FSTL4: variants seen among roughly 807,000 people sequenced by gnomAD.
The protein encoded by FSTL4 is follistatin-related protein 4.
In FSTL4, 28 loss-of-function variants were observed where a neutral mutation model predicts 78.2. That is an observed-to-expected ratio of 0.36 (90% CI 0.27 to 0.49). The LOEUF is 0.49. FSTL4 is among the 20% of genes least tolerant of loss of function. The pLI is 0.98. For synonymous variants in FSTL4, 422 were observed against 440.5 expected, an observed-to-expected ratio of 0.96 and a Z score of 0.53; for missense variants, 922 against 1,084.9, an observed-to-expected ratio of 0.85 and a Z score of 2.11.
the FSTL4 span, among the ~76,000 whole-genome samples, chr5:133,825,775 A>G: frequency 6.6e-6 from 1 of 152,214 alleles, no homozygotes; most frequent in Non-Finnish European, 1.5e-5. Flanking sequence ...CCTGTCTGAC[A>G]GCCCATTAGC....
At position 133,316,530 on chromosome 5, in the gene FSTL4, G is replaced by C; in HGVS notation, c.532C>G (p.Leu178Val). ...RQDPASQKRL[L>V]VESLFRDLDA... ...AAGTCCCTGAACAGAGATTCCACCA[G>C]GAGGCGCTTCTGGGAGGCAGGGTCT... The change falls in exon 5 of 16, where the codon CTG becomes GTG. Residue 178 changes from leucine (L) to valine (V), a missense_variant. Leu to Val is a conservative substitution (Grantham distance 32). Coordinates refer to ENST00000265342, the MANE Select transcript of FSTL4 (RefSeq NM_015082.2). 1 of 1,614,192 alleles carries C rather than the reference G, an allele frequency of 6.2e-7. No individual in the cohort carries two copies. The highest frequency in any genetic ancestry group is 8.5e-7 in the Non-Finnish European group (1 of 1,180,026).
the FSTL4 span, among the ~76,000 whole-genome samples, chr5:133,754,106 C>G: frequency 2.6e-5 from 4 of 152,180 alleles, no homozygotes; most frequent in Admixed American, 2.6e-4. Flanking sequence ...TTATACACAG[C>G]ATACAAAGTA....
intron 6 of FSTL4, among the ~76,000 whole-genome samples, chr5:133,301,885 T>G (rs1206096565): frequency 1.3e-5 from 2 of 152,070 alleles, no homozygotes; most frequent in Non-Finnish European, 2.9e-5. Flanking sequence ...ACCCCCAAGC[T>G]AAATAGTGAC....
Position 133,371,774 on chromosome 5 carries a change from T to C in FSTL4, c.409+28964A>G, listed in dbSNP as rs555794347. On this transcript the variant is annotated intron_variant, in intron 4 of 15. Transcript: ENST00000265342. ...TCATTAAAGAAACTGATTTGGGGCT[T>C]GAAAAACACTGAGGTATGAACACTG... Among the ~76,000 whole-genome samples, 5 of 152,304 alleles carry C rather than the reference T, an allele frequency of 3.3e-5. No individual in the cohort carries two copies. In the East Asian group the frequency reaches 5.8e-4, roughly 18 times the overall value.
At chr5:133,515,553 A>C (rs1421698504) in intron 3 of FSTL4, among the ~76,000 whole-genome samples, 1 of 152,236 alleles carries the variant, frequency 6.6e-6, no homozygotes, top group East Asian at 1.9e-4. Context: ...GCATAAATTC[A>C]GAAAACAAAA....
At chr5:133,524,288 G>T (rs1759045383) in intron 3 of FSTL4, among the ~76,000 whole-genome samples, 1 of 152,180 alleles carries the variant, frequency 6.6e-6, no homozygotes, top group South Asian at 2.1e-4. Flanking sequence ...TTTATCCTAA[G>T]CCTAATGGGA....
intron 6 of FSTL4, among the ~76,000 whole-genome samples, chr5:133,278,912 A>G (rs1752948912): frequency 6.6e-6 from 1 of 152,234 alleles, no homozygotes; most frequent in African/African-American, 2.4e-5. Context: ...CCTCAGGTAT[A>G]CAGGGTAGTA....
rs76147695 is a variant in FSTL4 at position 133,577,658 on chromosome 5, A to G, written c.127-10439T>C. ...GAAGGGGAGAGGGCTGGGCATGGCC[A>G]TATAGGCAAAGAATGTGCAAGTCTC... On this transcript the variant is annotated intron_variant, in intron 2 of 15. Transcript: ENST00000265342. Among the ~76,000 whole-genome samples, 239 of 152,284 alleles carry G rather than the reference A, an allele frequency of 1.6e-3. 1 individual carries two copies. The highest frequency in any genetic ancestry group is 5.4e-3 in the African/African-American group (224 of 41,558).
At chr5:133,605,884 GC>G (rs1377168816) in intron 1 of FSTL4, among the ~76,000 whole-genome samples, 5 of 152,180 alleles carry the variant, frequency 3.3e-5, no homozygotes, top group African/African-American at 9.6e-5. Context: ...ATCAGCACCT[GC>G]CCCACACTCT....
intron 3 of FSTL4, among the ~76,000 whole-genome samples, chr5:133,538,543 C>T (rs566853257): frequency 1.3e-5 from 2 of 152,022 alleles, no homozygotes; most frequent in Admixed American, 6.5e-5. Context: ...GTTGGTTTTC[C>T]GTATCTGCTG....
At chr5:133,711,869 G>A in the FSTL4 span, among the ~76,000 whole-genome samples, 2 of 152,184 alleles carry the variant, frequency 1.3e-5, no homozygotes, top group African/African-American at 4.8e-5. Context: ...TGGAAGGACA[G>A]GAGTGCTGCC....
chr5:133,539,633 C>T (rs115194076), intron 3 of FSTL4, among the ~76,000 whole-genome samples: 2,592 of 152,210 alleles, frequency 0.017, 85 homozygotes, highest in African/African-American at 0.059. Flanking sequence ...GGGCTCCGGT[C>T]GACTCCAGGA....
At chr5:133,218,499 T>C (rs1750987480) in intron 12 of FSTL4, among the ~76,000 whole-genome samples, 1 of 152,166 alleles carries the variant, frequency 6.6e-6, no homozygotes, top group Admixed American at 6.5e-5. Context: ...TAACATTATT[T>C]CTTGTTCAGA....
At chr5:133,818,352 C>T in the FSTL4 span, among the ~76,000 whole-genome samples, 10,264 of 152,268 alleles carry the variant, frequency 0.067, 474 homozygotes, top group Admixed American at 0.13. Context: ...CAGGCCAGTA[C>T]TGAAGGCCTG....
chr5:133,232,745 C>T (rs888988189), intron 8 of FSTL4, among the ~76,000 whole-genome samples: 2 of 152,090 alleles, frequency 1.3e-5, no homozygotes, highest in African/African-American at 4.8e-5. Flanking sequence ...GATTAAGATA[C>T]GTGGATGGGA....
intron 12 of FSTL4, 60 bp downstream of exon 12, chr5:133,220,688 T>C (rs1233938514): frequency 1.2e-5 from 11 of 886,772 alleles, no homozygotes; most frequent in East Asian, 2.4e-5. Context: ...TGGTTAAAGA[T>C]AGACTTTTAG....
intron 6 of FSTL4, among the ~76,000 whole-genome samples, chr5:133,250,139 C>T (rs1752175042): frequency 1.3e-5 from 2 of 152,234 alleles, no homozygotes; most frequent in African/African-American, 4.8e-5. Flanking sequence ...TATGAAAATG[C>T]ACTGTAGCTT....
intron 3 of FSTL4, among the ~76,000 whole-genome samples, chr5:133,420,369 T>G (rs1391770071): frequency 6.6e-6 from 1 of 152,260 alleles, no homozygotes; most frequent in East Asian, 1.9e-4. Context: ...TTTAATTGTA[T>G]GTAAATTATA....
At chr5:133,437,904 C>G (rs1184423281) in intron 3 of FSTL4, among the ~76,000 whole-genome samples, 1 of 151,910 alleles carries the variant, frequency 6.6e-6, no homozygotes, top group Non-Finnish European at 1.5e-5. Context: ...GAGCTTTCTC[C>G]TTTTGTCCTT....
Sources: allele counts gnomAD v4.1 joint callset (sites outside exome capture counted in the v4.1 genomes callset), GRCh38; gene constraint gnomAD v4.1.1; transcripts MANE v1.5; gene names NCBI Gene and HGNC (gene_info 2026-07-23, HGNC 2026-07-21).